ANK3: variants seen among roughly 807,000 people sequenced by gnomAD.
ANK3 encodes the protein ankyrin 3, also known as ankyrin-3.
ANK3 carries 57 observed loss-of-function variants against 370.9 expected under a neutral mutation model. That is an observed-to-expected ratio of 0.15 (90% confidence interval 0.12 to 0.19). ANK3 has a LOEUF of 0.19. Ranked by LOEUF, ANK3 falls within the 10% of genes least tolerant of loss-of-function variation. ANK3 has a pLI of 1.00. For synonymous variants in ANK3, 1,929 were observed against 1,946.3 expected, an observed-to-expected ratio of 0.99 and a Z score of 0.23; for missense variants, 4,439 against 5,302.1, an observed-to-expected ratio of 0.84 and a Z score of 5.06.
chr10:60,462,895 A>G (rs372695122), intron 2 of ANK3, among the ~76,000 whole-genome samples: 12 of 136,906 alleles, frequency 8.8e-5, no homozygotes, highest in African/African-American at 3.2e-4. Flanking sequence ...GTTCTTTTTT[A>G]AAGTTTTATT....
intron 1 of ANK3, among the ~76,000 whole-genome samples, chr10:60,655,039 A>G (rs1009392053): frequency 7.9e-5 from 12 of 152,138 alleles, no homozygotes; most frequent in African/African-American, 2.7e-4. Flanking sequence ...GTTTGTGGTA[A>G]GACTGGTGTA....
At chr10:60,630,198 T>C (rs996409934) in intron 1 of ANK3, among the ~76,000 whole-genome samples, 2 of 152,148 alleles carry the variant, frequency 1.3e-5, no homozygotes, top group Non-Finnish European at 2.9e-5. Context: ...TCATTACCAA[T>C]TTGCTGCAAA....
At position 60,127,883 on chromosome 10, in the gene ANK3, C is replaced by G. The variant is rs369789753; in HGVS notation, c.2841+6388G>C. On this transcript the variant is annotated intron_variant, in intron 25 of 43. Transcript: ENST00000280772. ...CGGCTAATTTTTTGTAGTTTTAGTA[C>G]AGACGGGGTTTCACCGTGTTAGCCA... 6.8e-4 allele frequency among the ~76,000 whole-genome samples: 103 copies of G among 151,724 alleles called. 1 individual carries two copies. The highest frequency in any genetic ancestry group is 1.6e-3 in the Admixed American group (25 of 15,218).
At chr10:60,627,534 C>T (rs983705472) in intron 1 of ANK3, among the ~76,000 whole-genome samples, 2 of 152,122 alleles carry the variant, frequency 1.3e-5, no homozygotes, top group African/African-American at 4.8e-5. Context: ...GAAATGGAAT[C>T]TTGGTATACA....
At chr10:60,637,253 C>T (rs1222614427) in intron 1 of ANK3, among the ~76,000 whole-genome samples, 2 of 152,168 alleles carry the variant, frequency 1.3e-5, no homozygotes, top group African/African-American at 4.8e-5. Context: ...TTATCACATT[C>T]TGGTGATTGG....
intron 7 of ANK3, among the ~76,000 whole-genome samples, chr10:60,249,851 C>T (rs554382423): frequency 6.6e-6 from 1 of 152,262 alleles, no homozygotes; most frequent in East Asian, 1.9e-4. Flanking sequence ...CAGCATGCCC[C>T]ACCAGCTCCA....
chr10:60,113,824 A>G (rs1431656141), intron 26 of ANK3, among the ~76,000 whole-genome samples: 1 of 152,212 alleles, frequency 6.6e-6, no homozygotes, highest in Non-Finnish European at 1.5e-5. Flanking sequence ...TTAATTTTCT[A>G]TTGGAAAGAA....
chr10:60,394,157 T>C (rs1006985000), upstream of ANK3, among the ~76,000 whole-genome samples: 8 of 148,422 alleles, frequency 5.4e-5, no homozygotes, highest in African/African-American at 7.5e-5. Flanking sequence ...CATTAATTAT[T>C]GGCATCCTAG....
At chr10:60,710,070 G>A (rs989983027) in intron 1 of ANK3, among the ~76,000 whole-genome samples, 1 of 152,100 alleles carries the variant, frequency 6.6e-6, no homozygotes, top group Non-Finnish European at 1.5e-5. Context: ...AGCATCACTA[G>A]TGGCCCTTTG....
intron 2 of ANK3, among the ~76,000 whole-genome samples, chr10:60,575,888 G>T (rs143004586): frequency 2.6e-5 from 4 of 152,028 alleles, no homozygotes; most frequent in Admixed American, 6.6e-5. Flanking sequence ...CTAGAAATAC[G>T]CATTCAAAGA....
At chr10:60,452,679 G>A (rs1421976728) in intron 2 of ANK3, among the ~76,000 whole-genome samples, 1 of 152,188 alleles carries the variant, frequency 6.6e-6, no homozygotes, top group East Asian at 1.9e-4. Context: ...ATCCAATTAT[G>A]TGAGTTTTTA....
chr10:60,354,663 G>A (rs1166190872), intron 1 of ANK3, among the ~76,000 whole-genome samples: 1 of 152,090 alleles, frequency 6.6e-6, no homozygotes, highest in African/African-American at 2.4e-5. Context: ...CATAAAAATA[G>A]CTCTTGCCCC....
At chr10:60,379,878 CA>C (rs1339105173) in intron 1 of ANK3, among the ~76,000 whole-genome samples, 1 of 151,652 alleles carries the variant, frequency 6.6e-6, no homozygotes, top group Non-Finnish European at 1.5e-5. Context: ...GTCCAACACA[CA>C]AAAAAATAAA....
intron 1 of ANK3, among the ~76,000 whole-genome samples, chr10:60,670,396 T>A (rs1446437962): frequency 1.3e-5 from 2 of 152,088 alleles, no homozygotes; most frequent in African/African-American, 4.8e-5. Flanking sequence ...TCCTCCCCTT[T>A]CCTCACACCT....
chr10:60,710,512 C>T (rs902746625), intron 1 of ANK3, among the ~76,000 whole-genome samples: 102 of 152,164 alleles, frequency 6.7e-4, no homozygotes, highest in African/African-American at 2.2e-3. Flanking sequence ...TTTATGCATT[C>T]ATAAAATACC....
chr10:60,657,172 T>C (rs2078875946), intron 1 of ANK3, among the ~76,000 whole-genome samples: 1 of 152,130 alleles, frequency 6.6e-6, no homozygotes, highest in Non-Finnish European at 1.5e-5. Flanking sequence ...CATAAAACCA[T>C]TAGATCTCGT....
chr10:60,250,514 G>A (rs530617053), intron 7 of ANK3, among the ~76,000 whole-genome samples: 38 of 152,064 alleles, frequency 2.5e-4, no homozygotes, highest in South Asian at 4.2e-4. Flanking sequence ...ACAGGTGCCT[G>A]CCACCACGCC....
intron 2 of ANK3, among the ~76,000 whole-genome samples, chr10:60,516,956 G>A (rs190574885): frequency 2.0e-5 from 3 of 152,154 alleles, no homozygotes; most frequent in Admixed American, 6.6e-5. Flanking sequence ...GTAGAGCCAC[G>A]TTCCATGGAA....
intron 1 of ANK3, among the ~76,000 whole-genome samples, chr10:60,306,823 A>G (rs1343403571): frequency 6.6e-6 from 1 of 152,186 alleles, no homozygotes; most frequent in African/African-American, 2.4e-5. Context: ...AACAAGCATA[A>G]AGACTTAGGG....
Sources: gnomAD v4.1 joint callset for allele counts (sites outside exome capture counted in the v4.1 genomes callset) on GRCh38, gnomAD v4.1.1 for gene constraint, MANE v1.5 for transcripts, NCBI Gene and HGNC (gene_info 2026-07-23, HGNC 2026-07-21) for gene names.